PRKN: variants seen among roughly 807,000 people sequenced by gnomAD.
PRKN encodes E3 ubiquitin-protein ligase parkin.
PRKN carries 56 observed loss-of-function variants against 59.5 expected under a neutral mutation model. The observed-to-expected ratio is 0.94, with a 90% CI of 0.76 to 1.18. The LOEUF is 1.18. PRKN is among the 50% of genes most tolerant of loss of function. PRKN has a pLI of 0.00. For missense variants in PRKN, 657 were observed against 596.4 expected, an observed-to-expected ratio of 1.10 and a Z score of -1.06; for synonymous variants, 250 against 222.1, an observed-to-expected ratio of 1.13 and a Z score of -1.12.
intron 1 of PRKN, among the ~76,000 whole-genome samples, chr6:162,462,240 A>C (rs1791212591): frequency 6.6e-6 from 1 of 152,238 alleles, no homozygotes; most frequent in East Asian, 1.9e-4. Flanking sequence ...CACAAAATTC[A>C]AAAGGAAAAT....
chr6:161,514,701 G>A (rs1473407196), intron 9 of PRKN, among the ~76,000 whole-genome samples: 1 of 152,098 alleles, frequency 6.6e-6, no homozygotes, highest in Non-Finnish European at 1.5e-5. Flanking sequence ...AAAGAGACTA[G>A]GTCCAGGGAA....
chr6:161,821,441 A>AT lies in PRKN; in HGVS notation c.735-35534dup, dbSNP rs5881436. 3.1e-3 allele frequency among the ~76,000 whole-genome samples: 471 copies of AT among 150,630 alleles called. 2 individuals carry two copies. Among genetic ancestry groups the AT allele is most frequent in the Non-Finnish European group, 5.1e-3 (344 of 67,566 alleles). Reference sequence around the variant, plus strand: ...TGTTTAACCCATCCCAATAAAAGGGATTTTTTTTTTAATCCAGACTTTCAC... The same window carrying AT: ...TGTTTAACCCATCCCAATAAAAGGGATTTTTTTTTTTAATCCAGACTTTCAC... On this transcript the variant is annotated intron_variant, in intron 6 of 11. Transcript: ENST00000366898.
intron 6 of PRKN, among the ~76,000 whole-genome samples, chr6:161,819,937 T>C (rs894357472): frequency 6.6e-6 from 1 of 152,144 alleles, no homozygotes; most frequent in Non-Finnish European, 1.5e-5. Flanking sequence ...TAAAATTAAC[T>C]GGCCAAATTA....
intron 9 of PRKN, among the ~76,000 whole-genome samples, chr6:161,431,699 G>A (rs907629888): frequency 6.6e-6 from 1 of 151,352 alleles, no homozygotes; most frequent in Non-Finnish European, 1.5e-5. Context: ...TGCAACCTCC[G>A]CCTCCCGGGT....
At chr6:162,663,550 T>TG in intron 1 of PRKN, among the ~76,000 whole-genome samples, 1 of 152,276 alleles carries the variant, frequency 6.6e-6, no homozygotes, top group Middle Eastern at 3.4e-3. Flanking sequence ...TGTTTTAAAA[T>TG]GTTTTTTAAG....
At position 161,526,478 on chromosome 6, in the gene PRKN, T is replaced by C. The variant is rs1779020492; in HGVS notation, c.1083+22376A>G. 6.6e-6 allele frequency among the ~76,000 whole-genome samples: 1 copy of C among 152,060 alleles called. No individual in the cohort carries two copies. The highest frequency in any genetic ancestry group is 2.4e-5 in the African/African-American group (1 of 41,450). On this transcript the variant is annotated intron_variant, in intron 9 of 11. Coordinates refer to ENST00000366898, the MANE Select transcript of PRKN (RefSeq NM_004562.3). This position sits in a 1 kb window ranked among gnomAD's most constrained non-coding sequence, Gnocchi z 4.1. The stretch of plus-strand genomic sequence containing the variant: ...TATTTTCCTATTGTCTTCTTTTTTG[T>C]TGTCCTGTCTTGCTAATTCTTTCTT...
intron 8 of PRKN, among the ~76,000 whole-genome samples, chr6:161,555,807 AAAT>A (rs1780216199): frequency 6.6e-6 from 1 of 152,222 alleles, no homozygotes; most frequent in Non-Finnish European, 1.5e-5. Context: ...TGTGGACAGT[AAAT>A]AATTATAAAT....
At chr6:162,469,351 G>GT (rs1202800849) in intron 1 of PRKN, among the ~76,000 whole-genome samples, 1 of 78,984 alleles carries the variant, frequency 1.3e-5, no homozygotes, top group Non-Finnish European at 2.9e-5. Context: ...GGGGGTTGCA[G>GT]GGGGGGGTGG....
At chr6:162,677,322 T>C (rs1779591763) in intron 1 of PRKN, among the ~76,000 whole-genome samples, 1 of 151,898 alleles carries the variant, frequency 6.6e-6, no homozygotes, top group Admixed American at 6.6e-5. Flanking sequence ...CCATAACAGC[T>C]GAGCTAGTGA....
At chr6:161,860,548 C>T (rs1057289539) in intron 6 of PRKN, among the ~76,000 whole-genome samples, 25 of 152,332 alleles carry the variant, frequency 1.6e-4, no homozygotes, top group South Asian at 6.2e-4. Flanking sequence ...CTCCCTCTTT[C>T]GGTCAGTAAC....
intron 1 of PRKN, among the ~76,000 whole-genome samples, chr6:162,690,955 T>C (rs1320657136): frequency 2.0e-5 from 3 of 152,178 alleles, no homozygotes; most frequent in African/African-American, 4.8e-5. Flanking sequence ...TATGCCTTCA[T>C]GCTACAGTAA....
intron 1 of PRKN, among the ~76,000 whole-genome samples, chr6:162,510,910 G>T (rs138240708): frequency 2.6e-5 from 4 of 151,888 alleles, no homozygotes; most frequent in Non-Finnish European, 5.9e-5. Flanking sequence ...GCAATAGAGC[G>T]AGACTCAGTC....
intron 1 of PRKN, among the ~76,000 whole-genome samples, chr6:162,638,970 T>A (rs1777859231): frequency 6.6e-6 from 1 of 152,050 alleles, no homozygotes; most frequent in Non-Finnish European, 1.5e-5. Context: ...GGTCTCAAAC[T>A]CCTGACCTCA....
At chr6:161,743,762 A>G (rs1788298149) in intron 7 of PRKN, among the ~76,000 whole-genome samples, 1 of 152,176 alleles carries the variant, frequency 6.6e-6, no homozygotes, top group East Asian at 1.9e-4. Context: ...GTACATGCAT[A>G]TGTTAATGAG....
intron 4 of PRKN, among the ~76,000 whole-genome samples, chr6:162,195,162 C>G (rs1784440620): frequency 6.6e-6 from 1 of 152,196 alleles, no homozygotes; most frequent in South Asian, 2.1e-4. Flanking sequence ...CGGTTCCACT[C>G]TCACTGTCGG....
chr6:162,646,398 G>T (rs1778188079), intron 1 of PRKN, among the ~76,000 whole-genome samples: 1 of 151,828 alleles, frequency 6.6e-6, no homozygotes, highest in African/African-American at 2.4e-5. Flanking sequence ...TCAGCATCCT[G>T]AGTAGCTAGG....
chr6:161,749,339 G>A (rs1016760249), intron 7 of PRKN, among the ~76,000 whole-genome samples: 2 of 152,084 alleles, frequency 1.3e-5, no homozygotes, highest in Non-Finnish European at 2.9e-5. Flanking sequence ...GCATATGTAC[G>A]CACATACACA....
intron 9 of PRKN, among the ~76,000 whole-genome samples, chr6:161,531,012 C>G (rs1056944940): frequency 1.3e-5 from 2 of 152,200 alleles, no homozygotes; most frequent in Non-Finnish European, 2.9e-5. Context: ...GAACATAGCA[C>G]TCCACCATCT....
intron 6 of PRKN, among the ~76,000 whole-genome samples, chr6:161,852,285 AAAAC>A (rs943262224): frequency 1.6e-4 from 25 of 152,230 alleles, no homozygotes; most frequent in Non-Finnish European, 2.8e-4. Context: ...ATCTCTACAA[AAAAC>A]AAACAAAGAA....
Sources: allele counts gnomAD v4.1 joint callset (sites outside exome capture counted in the v4.1 genomes callset), GRCh38; gene constraint gnomAD v4.1.1; non-coding constraint Gnocchi (gnomAD v3.1); transcripts MANE v1.5; gene names NCBI Gene and HGNC (gene_info 2026-07-23, HGNC 2026-07-21).